Variants in CENATAC observed in about 807,000 individuals in gnomAD.
The protein encoded by CENATAC is coiled-coil domain containing 84.
In CENATAC, 53 loss-of-function variants were observed where a neutral mutation model predicts 53.7. The observed-to-expected ratio is 0.99, with a 90% confidence interval of 0.79 to 1.24. The LOEUF (loss-of-function observed/expected upper bound fraction) is 1.24. Ranked by LOEUF, CENATAC falls within the 50% of genes most tolerant of loss-of-function variation. The pLI is 0.00. For missense variants in CENATAC, 474 were observed against 417.8 expected (o/e 1.13, Z -1.17); for synonymous variants, 156 against 144.6 (o/e 1.08, Z -0.57).
At chr11:119,011,140 AG>A (rs1942850017) in intron 4 of CENATAC, 80 bp from the exon 5 acceptor site, 2 of 1,235,994 alleles carry the variant, frequency 1.6e-6, no homozygotes, top group Non-Finnish European at 1.2e-6. Flanking sequence ...CTGGGGGTGG[AG>A]GGCCCAAGTT....
At chr11:118,998,942 C>T in intron 2 of CENATAC, 69 bp from the exon 3 acceptor site, 2 of 1,235,360 alleles carry the variant, frequency 1.6e-6, no homozygotes, top group Admixed American at 1.8e-5. Flanking sequence ...GCATTACAAA[C>T]CTAATGCTTA....
chr11:119,004,001 A>G (rs934641489), intron 3 of CENATAC, among the ~76,000 whole-genome samples: 3 of 152,184 alleles, frequency 2.0e-5, no homozygotes, highest in Non-Finnish European at 4.4e-5. Context: ...AACAGTTGTC[A>G]TAACTGTAAA....
chr11:118,999,875 C>T (rs1942206835), intron 3 of CENATAC, among the ~76,000 whole-genome samples: 1 of 152,106 alleles, frequency 6.6e-6, no homozygotes, highest in Non-Finnish European at 1.5e-5. Context: ...ATCTCCTGAC[C>T]TCCTGATCCG....
intron 3 of CENATAC, among the ~76,000 whole-genome samples, chr11:119,005,465 T>C (rs936316998): frequency 1.4e-5 from 2 of 145,552 alleles, no homozygotes; most frequent in African/African-American, 5.3e-5. Context: ...AGACCCCGTC[T>C]CAAAAAAAAA....
Position 119,015,400 on chromosome 11 carries a change from T to C in CENATAC, c.899T>C (p.Phe300Ser). 1.2e-6 allele frequency: 2 copies of C among 1,614,212 alleles called. No homozygotes were observed. Among genetic ancestry groups the C allele is most frequent in the Non-Finnish European group, 1.7e-6 (2 of 1,180,010 alleles). Residue 300 changes from phenylalanine to serine, a missense_variant, in exon 10 of 11, where the codon TTT (phenylalanine) becomes TCT (serine). Physicochemically the swap from Phe to Ser is radical, Grantham distance 155 (BLOSUM62 -2). Coordinates refer to ENST00000334418, the MANE Select transcript of CENATAC (RefSeq NM_198489.3). ...SRTSAGWLPS[F>S]GRVWNNGRRW... ...ACCAGTGCAGGCTGGCTGCCCTCTT[T>C]TGGCCGCGTCTGGAATAATGGACGC...
At chr11:118,999,136 T>C (rs1170463449) in intron 3 of CENATAC, 27 bp downstream of exon 3, 4 of 1,517,320 alleles carry the variant, frequency 2.6e-6, no homozygotes, top group Admixed American at 1.7e-5. Context: ...GAACGTGAAG[T>C]AGCAGAGTGA....
In CENATAC at chr11:118,999,604, G is replaced by C. The variant is rs561942674; in HGVS notation, c.383+495G>C. ...CTCCCAAGTAGCTGGGATTACAGGC[G>C]CAAACCACCACACCTGGCTAATTTT... On this transcript the variant is annotated intron_variant, in intron 3 of 10. Coordinates refer to ENST00000334418, the MANE Select transcript of CENATAC (RefSeq NM_198489.3). Among the ~76,000 whole-genome samples the C allele has an allele frequency of 3.3e-5, 5 of 152,248 alleles. No individual in the cohort carries two copies. In the South Asian group the frequency reaches 8.3e-4, roughly 25 times the overall value.
At chr11:119,001,023 C>G (rs978605741) in intron 3 of CENATAC, among the ~76,000 whole-genome samples, 4 of 152,148 alleles carry the variant, frequency 2.6e-5, no homozygotes, top group African/African-American at 9.7e-5. Context: ...AATGTCATGA[C>G]TTTTCTCTGC....
chr11:119,000,320 C>G (rs144411312), intron 3 of CENATAC, among the ~76,000 whole-genome samples: 254 of 152,188 alleles, frequency 1.7e-3, no homozygotes, highest in African/African-American at 5.9e-3. Flanking sequence ...TTTCTAATAA[C>G]AACCCTGTAC....
chr11:119,002,756 C>T (rs937226496), intron 3 of CENATAC, among the ~76,000 whole-genome samples: 5 of 149,748 alleles, frequency 3.3e-5, no homozygotes, highest in African/African-American at 7.4e-5. Context: ...TTCTCCCATG[C>T]GAAATTTTGT....
At position 119,013,242 on chromosome 11, in the gene CENATAC, G is replaced by T. The variant is rs1942960547; in HGVS notation, c.695G>T (p.Gly232Val). The change falls in exon 8 of 11, where the codon GGA becomes GTA. Residue 232 changes from glycine (G) to valine (V), a missense_variant. Gly to Val is a moderately radical substitution (Grantham distance 109). Coordinates refer to ENST00000334418, the MANE Select transcript of CENATAC (RefSeq NM_198489.3). ...LTFIGHQDIP[G>V]VGNIHSGATP... ...CATTTCCAACTACAGGATATACCAG[G>T]AGTTGGTAACATCCACTCAGGTAAG... The T allele has an allele frequency of 1.2e-6, 2 of 1,609,726 alleles. No individual in the cohort carries two copies. Among genetic ancestry groups the T allele is most frequent in the Admixed American group, 1.7e-5 (1 of 59,460 alleles).
intron 5 of CENATAC, 125 bp from the exon 6 acceptor site, chr11:119,011,814 G>A (rs1942884561): frequency 3.9e-6 from 3 of 777,210 alleles, no homozygotes; most frequent in East Asian, 2.7e-5. Context: ...TGTAAAAGAT[G>A]GGCAGTACCT....
chr11:119,011,804 T>C (rs1942884159), intron 5 of CENATAC, 135 bp from the exon 6 acceptor site: 1 of 726,290 alleles, frequency 1.4e-6, no homozygotes, highest in African/African-American at 1.7e-5. Flanking sequence ...GGGAAGAGTC[T>C]GTAAAAGATG....
chr11:118,999,800 G>A (rs182719185), intron 3 of CENATAC, among the ~76,000 whole-genome samples: 7 of 152,212 alleles, frequency 4.6e-5, no homozygotes, highest in East Asian at 1.9e-4. Flanking sequence ...CTGCCACCAC[G>A]CCCGGCTAAT....
chr11:119,006,352 C>T (rs1414469785), intron 3 of CENATAC, among the ~76,000 whole-genome samples: 2 of 26 alleles, frequency 0.077, no homozygotes, highest in African/African-American at 0.25. Flanking sequence ...TCTCCTGCCT[C>T]AGCCTCCCTG....
chr11:119,008,946 T>C (rs1158689002), intron 3 of CENATAC, among the ~76,000 whole-genome samples: 1 of 152,160 alleles, frequency 6.6e-6, no homozygotes, highest in East Asian at 1.9e-4. Flanking sequence ...ATACAACACA[T>C]GTTTTTGTGA....
chr11:119,002,264 T>A (rs2134527381), intron 3 of CENATAC, among the ~76,000 whole-genome samples: 1 of 144,786 alleles, frequency 6.9e-6, no homozygotes, highest in African/African-American at 2.5e-5. Context: ...TGATCACATA[T>A]CAGTTAGTGT....
chr11:119,005,936 CTT>C (rs1243577042), intron 3 of CENATAC: 17 of 122,578 alleles, frequency 1.4e-4, no homozygotes, highest in Non-Finnish European at 1.9e-4. Flanking sequence ...ATTTGAGATG[CTT>C]TTTTTTTTTT....
chr11:119,000,455 T>C (rs981963769), intron 3 of CENATAC, among the ~76,000 whole-genome samples: 4 of 144,048 alleles, frequency 2.8e-5, no homozygotes, highest in African/African-American at 1.1e-4. Flanking sequence ...TTTTTTTTTT[T>C]ACAGTGTTCC....
Sources: allele counts gnomAD v4.1 joint callset (sites outside exome capture counted in the v4.1 genomes callset), GRCh38; gene constraint gnomAD v4.1.1; transcripts MANE v1.5; gene names NCBI Gene and HGNC (gene_info 2026-07-23, HGNC 2026-07-21).